Variants in PARD3 observed in about 807,000 individuals in gnomAD.
The protein encoded by PARD3 is par-3 family cell polarity regulator.
In PARD3, 75 loss-of-function variants were observed where a neutral mutation model predicts 155.4. That is an observed-to-expected ratio of 0.48 (90% CI 0.40 to 0.58). PARD3 has a LOEUF of 0.58. PARD3 is among the 20% of genes least tolerant of loss of function. The pLI, the probability that PARD3 is intolerant of heterozygous loss-of-function variation, is 0.00. For synonymous variants in PARD3, 576 were observed against 610.5 expected (o/e 0.94, Z 0.83); for missense variants, 1,642 against 1,721.7 (o/e 0.95, Z 0.82).
At chr10:34,293,967 C>T (rs1004027892) in intron 20 of PARD3, among the ~76,000 whole-genome samples, 1 of 152,196 alleles carries the variant, frequency 6.6e-6, no homozygotes, top group African/African-American at 2.4e-5. Flanking sequence ...GCCCTGAAGG[C>T]AGTCCCCATA....
At chr10:34,705,856 A>G (rs1218190455) in intron 1 of PARD3, among the ~76,000 whole-genome samples, 1 of 152,216 alleles carries the variant, frequency 6.6e-6, no homozygotes, top group African/African-American at 2.4e-5. Context: ...GTGAAAATGG[A>G]GGCATGAAAC....
chr10:34,650,598 T>C (rs2092979453), intron 2 of PARD3, among the ~76,000 whole-genome samples: 1 of 152,204 alleles, frequency 6.6e-6, no homozygotes, highest in African/African-American at 2.4e-5. Flanking sequence ...AAACTGAGTC[T>C]TGAGGATTGC....
At chr10:34,322,439 A>G (rs1324231239) in intron 19 of PARD3, among the ~76,000 whole-genome samples, 1 of 152,186 alleles carries the variant, frequency 6.6e-6, no homozygotes. Flanking sequence ...TCTGAGTTGC[A>G]CTTTCTATTA....
chr10:34,131,056 T>A (rs995902893), intron 23 of PARD3, among the ~76,000 whole-genome samples: 1 of 152,062 alleles, frequency 6.6e-6, no homozygotes, highest in South Asian at 2.1e-4. Flanking sequence ...CGAGACCTCA[T>A]CTCTTTAAAA....
At chr10:34,236,943 G>A (rs929779733) in intron 22 of PARD3, among the ~76,000 whole-genome samples, 31 of 152,114 alleles carry the variant, frequency 2.0e-4, no homozygotes, top group Non-Finnish European at 2.8e-4. Context: ...CAAAGTTGAC[G>A]TTAAAATACC....
intron 2 of PARD3, among the ~76,000 whole-genome samples, chr10:34,633,945 A>G (rs1401193263): frequency 6.6e-6 from 1 of 152,166 alleles, no homozygotes; most frequent in African/African-American, 2.4e-5. Flanking sequence ...TTTAAGTAGA[A>G]GGCCATTAGC....
intron 15 of PARD3, chr10:34,343,952 C>T: frequency 1.0e-6 from 1 of 981,292 alleles, no homozygotes; most frequent in Non-Finnish European, 1.2e-6. Flanking sequence ...GAAAACTGTG[C>T]CAGTGACATG....
intron 2 of PARD3, among the ~76,000 whole-genome samples, chr10:34,589,299 G>A (rs371907460): frequency 9.3e-4 from 142 of 152,248 alleles, no homozygotes; most frequent in African/African-American, 3.2e-3. Context: ...AGGTTGAACT[G>A]TATCCCCCAA....
chr10:34,328,554 G>A (rs1835287233), intron 19 of PARD3, among the ~76,000 whole-genome samples: 1 of 152,128 alleles, frequency 6.6e-6, no homozygotes, highest in African/African-American at 2.4e-5. Context: ...AACTGTGAAG[G>A]TGGTGGTGGG....
At chr10:34,260,683 AC>A (rs1954910408) in intron 22 of PARD3, among the ~76,000 whole-genome samples, 1 of 152,248 alleles carries the variant, frequency 6.6e-6, no homozygotes, top group Admixed American at 6.5e-5. Flanking sequence ...TGCAGAACTC[AC>A]ATTACAATGA....
intron 5 of PARD3, among the ~76,000 whole-genome samples, chr10:34,425,262 C>T (rs1292748123): frequency 1.3e-5 from 2 of 152,110 alleles, no homozygotes; most frequent in Admixed American, 6.6e-5. Flanking sequence ...CAATGTGACA[C>T]TCTAGACCCC....
intron 22 of PARD3, among the ~76,000 whole-genome samples, chr10:34,134,702 C>G (rs2132808767): frequency 6.6e-6 from 1 of 152,294 alleles, no homozygotes; most frequent in Non-Finnish European, 1.5e-5. Context: ...CTAAGACTGG[C>G]AAAACCACTT....
intron 22 of PARD3, among the ~76,000 whole-genome samples, chr10:34,152,629 T>C (rs1483266198): frequency 1.3e-5 from 2 of 152,210 alleles, no homozygotes; most frequent in Non-Finnish European, 2.9e-5. Context: ...AGTACTTCAA[T>C]GTGTGCTGAT....
At chr10:34,248,960 A>G (rs1300738827) in intron 22 of PARD3, among the ~76,000 whole-genome samples, 1 of 152,212 alleles carries the variant, frequency 6.6e-6, no homozygotes, top group Non-Finnish European at 1.5e-5. Flanking sequence ...GGTGGTTAAA[A>G]TCTCTTAACA....
At chr10:34,504,840 G>A (rs1402739558) in intron 3 of PARD3, among the ~76,000 whole-genome samples, 1 of 152,154 alleles carries the variant, frequency 6.6e-6, no homozygotes, top group Non-Finnish European at 1.5e-5. Flanking sequence ...GACACTAAAA[G>A]CAACGAACAA....
chr10:34,365,646 T>G (rs1418751398), intron 12 of PARD3, among the ~76,000 whole-genome samples: 1 of 152,210 alleles, frequency 6.6e-6, no homozygotes, highest in African/African-American at 2.4e-5. Flanking sequence ...TGAAGTGCAG[T>G]GGTATGATCT....
chr10:34,636,362 G>A (rs549858415), intron 2 of PARD3, among the ~76,000 whole-genome samples: 82 of 152,202 alleles, frequency 5.4e-4, no homozygotes, highest in African/African-American at 9.9e-4. Flanking sequence ...ATCCGGGCTC[G>A]GGGCTAACAC....
chr10:34,617,257 AAAAAATAAAT>A (rs1024197988), intron 2 of PARD3, among the ~76,000 whole-genome samples: 1 of 151,132 alleles, frequency 6.6e-6, no homozygotes, highest in African/African-American at 2.4e-5. Flanking sequence ...ACTCTGTCTC[AAAAAATAAAT>A]AAATAAATAA....
intron 1 of PARD3, among the ~76,000 whole-genome samples, chr10:34,711,204 A>G (rs1237252031): frequency 6.6e-6 from 1 of 151,944 alleles, no homozygotes; most frequent in African/African-American, 2.4e-5. Flanking sequence ...CTCCCCCTCC[A>G]TGAAATGTGC....
Sources: gnomAD v4.1 joint callset for allele counts (sites outside exome capture counted in the v4.1 genomes callset) on GRCh38, gnomAD v4.1.1 for gene constraint, MANE v1.5 for transcripts, NCBI Gene and HGNC (gene_info 2026-07-23, HGNC 2026-07-21) for gene names.